CADM2: variants seen among roughly 807,000 people sequenced by gnomAD.
The protein encoded by CADM2 is cell adhesion molecule 2.
Under a neutral mutation model 49.8 loss-of-function variants are expected in CADM2, and 12 were observed. The ratio of observed to expected loss-of-function variants is 0.24; its 90% CI spans 0.15 to 0.39. The LOEUF (loss-of-function observed/expected upper bound fraction) is 0.39, where lower values mean the gene tolerates loss of function less well. Among genes scored for constraint, CADM2 ranks in the 10% least tolerant of loss-of-function variants. The pLI is 1.00. For missense variants in CADM2, 378 were observed against 492.3 expected, an observed-to-expected ratio of 0.77 and a Z score of 2.20; for synonymous variants, 214 against 175.4, an observed-to-expected ratio of 1.22 and a Z score of -1.74.
At chr3:85,850,519 G>A (rs1417948135) in intron 3 of CADM2, among the ~76,000 whole-genome samples, 1 of 151,662 alleles carries the variant, frequency 6.6e-6, no homozygotes, top group African/African-American at 2.4e-5. Flanking sequence ...TAGTAGAGAC[G>A]GGGTTTCACC....
intron 1 of CADM2, among the ~76,000 whole-genome samples, chr3:85,459,830 A>G (rs1378357055): frequency 2.6e-5 from 4 of 152,340 alleles, no homozygotes; most frequent in Non-Finnish European, 5.9e-5. Flanking sequence ...CCATTCACAC[A>G]TAGTGTGAAT....
intron 1 of CADM2, among the ~76,000 whole-genome samples, chr3:85,195,113 C>A (rs1049081821): frequency 1.3e-5 from 2 of 152,024 alleles, no homozygotes; most frequent in Non-Finnish European, 2.9e-5. Context: ...TACTCAAAGT[C>A]TTGCATATAT....
At chr3:85,659,083 T>C (rs958431854) in intron 1 of CADM2, among the ~76,000 whole-genome samples, 5 of 148,904 alleles carry the variant, frequency 3.4e-5, no homozygotes, top group African/African-American at 7.4e-5. Flanking sequence ...ATAATAATAA[T>C]AACAATAAAT....
intron 1 of CADM2, among the ~76,000 whole-genome samples, chr3:85,189,385 A>G (rs2107720606): frequency 6.6e-6 from 1 of 152,244 alleles, no homozygotes; most frequent in South Asian, 2.1e-4. Context: ...TTCATACCCA[A>G]TAATCCAAAG....
chr3:85,227,267 T>C (rs1018653430), intron 1 of CADM2, among the ~76,000 whole-genome samples: 1 of 152,128 alleles, frequency 6.6e-6, no homozygotes, highest in African/African-American at 2.4e-5. Context: ...CTAAGTCTTT[T>C]TGTAGGTCTC....
chr3:85,420,304 G>T (rs1450574231), intron 1 of CADM2, among the ~76,000 whole-genome samples: 1 of 152,112 alleles, frequency 6.6e-6, no homozygotes, highest in Non-Finnish European at 1.5e-5. Flanking sequence ...ATCTGTAGGT[G>T]GATAGTATTT....
At chr3:85,422,881 C>T (rs2036238729) in intron 1 of CADM2, among the ~76,000 whole-genome samples, 1 of 151,940 alleles carries the variant, frequency 6.6e-6, no homozygotes, top group Admixed American at 6.6e-5. Context: ...GCTCTTTTAG[C>T]CCTGTCATCC....
chr3:85,446,604 G>GTTTTTTTT (rs5850688), intron 1 of CADM2, among the ~76,000 whole-genome samples: 8 of 131,988 alleles, frequency 6.1e-5, no homozygotes, highest in Non-Finnish European at 1.3e-4. Context: ...TTTGTTTTTT[G>GTTTTTTTT]TTTTTTTTTT....
At chr3:85,682,905 A>G (rs2066079580) in intron 1 of CADM2, among the ~76,000 whole-genome samples, 1 of 152,082 alleles carries the variant, frequency 6.6e-6, no homozygotes, top group South Asian at 2.1e-4. Flanking sequence ...AAGGAAATAA[A>G]TGTATCTTCA....
At chr3:85,529,282 A>C (rs2061241863) in intron 1 of CADM2, among the ~76,000 whole-genome samples, 1 of 152,172 alleles carries the variant, frequency 6.6e-6, no homozygotes, top group African/African-American at 2.4e-5. Context: ...TGCTAAGTAC[A>C]CCTGCAGTTA....
At chr3:85,492,239 G>T (rs1042047885) in intron 1 of CADM2, among the ~76,000 whole-genome samples, 1 of 152,130 alleles carries the variant, frequency 6.6e-6, no homozygotes, top group Non-Finnish European at 1.5e-5. Flanking sequence ...GATGTACTTT[G>T]TTAATTTGTT....
intron 1 of CADM2, among the ~76,000 whole-genome samples, chr3:84,969,206 C>T (rs1471208386): frequency 1.3e-5 from 2 of 151,942 alleles, no homozygotes; most frequent in Non-Finnish European, 2.9e-5. Context: ...GTAACTGCAA[C>T]TTGTGTCTTT....
rs1191923325 is a variant in CADM2 at position 86,057,708 on chromosome 3, G to A, written c.971-7897G>A. On this transcript the variant is annotated intron_variant, in intron 8 of 9. Transcript: ENST00000383699. ...CTAAATAATTCAAGGATAATTGACA[G>A]AGACTGATCACTGTTGTTCGGACTT... Among the ~76,000 whole-genome samples the A allele has an allele frequency of 2.0e-5, 3 of 152,254 alleles. No homozygotes were observed. In the East Asian group the frequency reaches 5.8e-4, roughly 29 times the overall value.
intron 1 of CADM2, among the ~76,000 whole-genome samples, chr3:85,465,507 A>G (rs1004892722): frequency 3.3e-5 from 5 of 152,208 alleles, no homozygotes; most frequent in Non-Finnish European, 5.9e-5. Context: ...ATTTATATAT[A>G]TTAAGTACCA....
chr3:85,715,703 T>A (rs967728750), intron 1 of CADM2, among the ~76,000 whole-genome samples: 1 of 152,170 alleles, frequency 6.6e-6, no homozygotes, highest in Admixed American at 6.5e-5. Flanking sequence ...CGCCTCTCTG[T>A]GCCCATATGT....
intron 2 of CADM2, among the ~76,000 whole-genome samples, chr3:85,731,921 TAAC>T (rs1271063409): frequency 4.0e-5 from 6 of 151,896 alleles, no homozygotes; most frequent in African/African-American, 1.4e-4. Flanking sequence ...AAATATCACT[TAAC>T]TACTTTTTTA....
chr3:85,497,063 G>T (rs1366893806), intron 1 of CADM2, among the ~76,000 whole-genome samples: 2 of 152,110 alleles, frequency 1.3e-5, no homozygotes, highest in African/African-American at 4.8e-5. Context: ...TGGCCAGGAT[G>T]GTCTCGATCT....
At chr3:85,610,320 A>G in intron 1 of CADM2, among the ~76,000 whole-genome samples, 1 of 152,110 alleles carries the variant, frequency 6.6e-6, no homozygotes, top group Middle Eastern at 3.4e-3. Context: ...GCTTTTTAAT[A>G]TAATTGATAA....
At chr3:85,953,855 T>A (rs1251361944) in intron 7 of CADM2, among the ~76,000 whole-genome samples, 1 of 150,938 alleles carries the variant, frequency 6.6e-6, no homozygotes, top group Non-Finnish European at 1.5e-5. Context: ...TTCATTGATC[T>A]CTTATCTGTC....
Sources: gnomAD v4.1 joint callset for allele counts (sites outside exome capture counted in the v4.1 genomes callset) on GRCh38, gnomAD v4.1.1 for gene constraint, MANE v1.5 for transcripts, NCBI Gene and HGNC (gene_info 2026-07-23, HGNC 2026-07-21) for gene names.